Variants in PPM1L observed in about 807,000 individuals in gnomAD.
PPM1L encodes protein phosphatase 1L.
A neutral mutation model predicts 31.4 loss-of-function variants in PPM1L; 13 were observed. That is an observed-to-expected ratio of 0.41 (90% CI 0.27 to 0.66). The LOEUF is 0.66. Ranked by LOEUF, PPM1L falls within the 30% of genes least tolerant of loss-of-function variation. The pLI is 0.29. For missense variants in PPM1L, 326 were observed against 453.7 expected (o/e 0.72, Z 2.56); for synonymous variants, 184 against 175.4 (o/e 1.05, Z -0.39).
chr3:160,899,700 T>A (rs186469692), intron 1 of PPM1L, among the ~76,000 whole-genome samples: 1 of 152,334 alleles, frequency 6.6e-6, no homozygotes, highest in East Asian at 1.9e-4. Flanking sequence ...ATTTAATAAG[T>A]TATTTTTATT....
intron 1 of PPM1L, among the ~76,000 whole-genome samples, chr3:160,758,111 T>G (rs1714860970): frequency 6.6e-6 from 1 of 152,244 alleles, no homozygotes; most frequent in African/African-American, 2.4e-5. Context: ...TAGCTTTTTT[T>G]ATATTGTTTT....
chr3:160,891,523 A>G (rs547113582), intron 1 of PPM1L, among the ~76,000 whole-genome samples: 1 of 152,284 alleles, frequency 6.6e-6, no homozygotes, highest in East Asian at 1.9e-4. Flanking sequence ...TGTGGAGAAC[A>G]AAGGAATGCT....
At chr3:160,889,439 G>T (rs1349284524) in intron 1 of PPM1L, among the ~76,000 whole-genome samples, 4 of 152,130 alleles carry the variant, frequency 2.6e-5, no homozygotes, top group Non-Finnish European at 5.9e-5. Context: ...ACCCTCCCAA[G>T]ACTAAGTCAG....
At chr3:161,049,823 C>T (rs1719213512) in intron 2 of PPM1L, among the ~76,000 whole-genome samples, 1 of 152,204 alleles carries the variant, frequency 6.6e-6, no homozygotes, top group Admixed American at 6.5e-5. Context: ...GCCCTGCCCT[C>T]CATCAGCCTG....
chr3:161,057,468 A>G (rs949188005), intron 2 of PPM1L, among the ~76,000 whole-genome samples: 1 of 152,048 alleles, frequency 6.6e-6, no homozygotes, highest in East Asian at 1.9e-4. Context: ...TGTCAACTTT[A>G]TTGTTATACA....
In PPM1L at chr3:160,910,175, G is replaced by GTCCCCTTCCCCT. The variant is rs769534194; in HGVS notation, c.400-51544_400-51533dup. Among the ~76,000 whole-genome samples, 293 of 145,440 alleles carry GTCCCCTTCCCCT rather than the reference G, an allele frequency of 2.0e-3. 3 individuals carry two copies. Among genetic ancestry groups the GTCCCCTTCCCCT allele is most frequent in the African/African-American group, 6.9e-3 (265 of 38,392 alleles). On this transcript the variant is annotated intron_variant, in intron 1 of 3. Transcript: ENST00000498165. ...CGCTTGAAACTTTCTTTCCCTCCCT[G>GTCCCCTTCCCCT]TCCCCTTCCCCTTCCCCTTCCCCTT...
At chr3:161,053,335 A>G (rs910657202) in intron 2 of PPM1L, among the ~76,000 whole-genome samples, 2 of 152,316 alleles carry the variant, frequency 1.3e-5, no homozygotes, top group South Asian at 4.1e-4. Flanking sequence ...GAGAGTATAT[A>G]TGAAGCCTCC....
intron 1 of PPM1L, among the ~76,000 whole-genome samples, chr3:160,857,672 A>G (rs1711759143): frequency 6.6e-6 from 1 of 152,198 alleles, no homozygotes; most frequent in African/African-American, 2.4e-5. Context: ...AATGCAAGGC[A>G]TGGTGCCTGC....
At chr3:160,890,394 A>G (rs560719976) in intron 1 of PPM1L, among the ~76,000 whole-genome samples, 6 of 152,264 alleles carry the variant, frequency 3.9e-5, no homozygotes, top group Non-Finnish European at 7.4e-5. Context: ...ACAAATTGCT[A>G]CAAAGAGAAT....
chr3:160,821,689 C>T (rs886620447), intron 1 of PPM1L, among the ~76,000 whole-genome samples: 3 of 152,044 alleles, frequency 2.0e-5, no homozygotes, highest in African/African-American at 7.2e-5. Flanking sequence ...TATGACATAT[C>T]TATCTGTTTT....
At chr3:161,027,170 T>G (rs1718424375) in intron 2 of PPM1L, among the ~76,000 whole-genome samples, 1 of 152,230 alleles carries the variant, frequency 6.6e-6, no homozygotes, top group African/African-American at 2.4e-5. Flanking sequence ...ACTAGGAAAT[T>G]CAAGCAATTT....
intron 1 of PPM1L, among the ~76,000 whole-genome samples, chr3:160,783,120 G>T (rs963548734): frequency 3.3e-5 from 5 of 152,122 alleles, no homozygotes; most frequent in African/African-American, 1.2e-4. Flanking sequence ...CCTTAAAAAG[G>T]CTTCCTCCTT....
chr3:160,893,066 A>G lies in PPM1L; in HGVS notation c.400-68670A>G, dbSNP rs573909990. 4.6e-5 allele frequency among the ~76,000 whole-genome samples: 7 copies of G among 152,322 alleles called. No individual in the cohort carries two copies. The East Asian group carries it at 1.4e-3, about 29-fold the overall frequency. ...TATATTGTACAATCATTGCATATAT[A>G]AAGGTAATATAAGGTAGACCTAAGA... On this transcript the variant is annotated intron_variant, in intron 1 of 3. Transcript: ENST00000498165.
intron 2 of PPM1L, among the ~76,000 whole-genome samples, chr3:161,054,987 G>T (rs1428039382): frequency 6.6e-6 from 1 of 152,132 alleles, no homozygotes; most frequent in African/African-American, 2.4e-5. Flanking sequence ...ATCGTAATTA[G>T]TATTAATTTA....
chr3:160,928,142 C>T (rs1254050765), intron 1 of PPM1L, among the ~76,000 whole-genome samples: 1 of 152,178 alleles, frequency 6.6e-6, no homozygotes, highest in Non-Finnish European at 1.5e-5. Context: ...GTTCGATGAT[C>T]TGGCTTCCAT....
intron 1 of PPM1L, among the ~76,000 whole-genome samples, chr3:160,829,688 T>C (rs1713462634): frequency 6.6e-6 from 1 of 152,182 alleles, no homozygotes; most frequent in Admixed American, 6.5e-5. Flanking sequence ...GAACAGGATT[T>C]CATTTGTAGC....
intron 1 of PPM1L, among the ~76,000 whole-genome samples, chr3:160,821,589 A>G (rs1713204016): frequency 6.6e-6 from 1 of 152,130 alleles, no homozygotes; most frequent in South Asian, 2.1e-4. Context: ...ACCACAAAAA[A>G]TAATTCAATT....
chr3:160,970,449 T>A lies in PPM1L; in HGVS notation c.574+8539T>A, dbSNP rs920188033. Among the ~76,000 whole-genome samples the A allele has an allele frequency of 4.3e-5, 6 of 140,230 alleles. No homozygotes were observed. The East Asian group carries it at 1.2e-3, about 28-fold the overall frequency. 92.0% of individuals were successfully genotyped at this position (140,230 alleles called of 152,430 possible). ...CAATCTTTTTAACCAAGCTGAATATTTTTTTTTTTTTTTTTTTTGAGATGG... is the reference window on the plus strand; with the variant it reads ...CAATCTTTTTAACCAAGCTGAATATATTTTTTTTTTTTTTTTTTGAGATGG... On this transcript the variant is annotated intron_variant, in intron 2 of 3. Coordinates refer to ENST00000498165, the MANE Select transcript of PPM1L (RefSeq NM_139245.4).
At chr3:160,823,963 T>C (rs1242806141) in intron 1 of PPM1L, among the ~76,000 whole-genome samples, 1 of 152,170 alleles carries the variant, frequency 6.6e-6, no homozygotes, top group Non-Finnish European at 1.5e-5. Context: ...CGGGAAGGAC[T>C]CCTGCTTTTA....
Sources: allele counts gnomAD v4.1 joint callset (sites outside exome capture counted in the v4.1 genomes callset), GRCh38; gene constraint gnomAD v4.1.1; transcripts MANE v1.5; gene names NCBI Gene and HGNC (gene_info 2026-07-23, HGNC 2026-07-21).